ADGRB3: variants seen among roughly 807,000 people sequenced by gnomAD.
The protein encoded by ADGRB3 is adhesion G protein-coupled receptor B3.
A neutral mutation model predicts 193.4 loss-of-function variants in ADGRB3; 37 were observed. The ratio of observed to expected loss-of-function variants is 0.19; its 90% CI spans 0.15 to 0.25. The LOEUF is 0.25. Among genes scored for constraint, ADGRB3 ranks in the 10% least tolerant of loss-of-function variants. The pLI is 1.00. For synonymous variants in ADGRB3, 690 were observed against 644.2 expected, an observed-to-expected ratio of 1.07 and a Z score of -1.08; for missense variants, 1,637 against 1,852.9, an observed-to-expected ratio of 0.88 and a Z score of 2.14.
chr6:69,059,336 C>T (rs1174656953), intron 15 of ADGRB3, among the ~76,000 whole-genome samples: 1 of 152,022 alleles, frequency 6.6e-6, no homozygotes, highest in African/African-American at 2.4e-5. Flanking sequence ...TACTTTCAGT[C>T]TATGGATGCC....
intron 3 of ADGRB3, among the ~76,000 whole-genome samples, chr6:68,714,736 TTGATTTTTATC>T (rs1033452674): frequency 4.1e-4 from 63 of 151,876 alleles, no homozygotes; most frequent in Non-Finnish European, 3.1e-4. Flanking sequence ...TAAAAGGCAT[TTGATTTTTATC>T]TTAAAATATC....
intron 13 of ADGRB3, among the ~76,000 whole-genome samples, chr6:69,041,199 T>A (rs942983711): frequency 1.3e-5 from 2 of 152,122 alleles, no homozygotes; most frequent in African/African-American, 2.4e-5. Context: ...GGGAAAGAGA[T>A]AATAATAGAT....
At chr6:68,746,807 GAGAT>G (rs1206395737) in intron 3 of ADGRB3, among the ~76,000 whole-genome samples, 1 of 151,880 alleles carries the variant, frequency 6.6e-6, no homozygotes, top group Non-Finnish European at 1.5e-5. Context: ...ATATTGTTTG[GAGAT>G]AATTTGATTT....
intron 29 of ADGRB3, among the ~76,000 whole-genome samples, chr6:69,362,160 G>A (rs1308606717): frequency 2.0e-5 from 3 of 151,790 alleles, no homozygotes; most frequent in African/African-American, 7.3e-5. Flanking sequence ...AGGATTCTGA[G>A]GTCCAACCAC....
At chr6:68,738,282 C>T (rs1307784919) in intron 3 of ADGRB3, among the ~76,000 whole-genome samples, 1 of 152,064 alleles carries the variant, frequency 6.6e-6, no homozygotes, top group East Asian at 1.9e-4. Context: ...AGAGAGAGAG[C>T]ACTTGTATTA....
chr6:69,266,398 G>A (rs1198808590), intron 20 of ADGRB3, among the ~76,000 whole-genome samples: 1 of 151,908 alleles, frequency 6.6e-6, no homozygotes, highest in Middle Eastern at 3.2e-3. Context: ...CAAGTCTCTT[G>A]AAGCTTCAGT....
At chr6:68,914,790 A>G (rs190130871) in intron 3 of ADGRB3, among the ~76,000 whole-genome samples, 1 of 152,344 alleles carries the variant, frequency 6.6e-6, no homozygotes, top group Admixed American at 6.5e-5. Flanking sequence ...TACCTTACTC[A>G]TCATTAAAGT....
intron 20 of ADGRB3, among the ~76,000 whole-genome samples, chr6:69,239,955 T>C (rs1766349944): frequency 6.6e-6 from 1 of 152,076 alleles, no homozygotes; most frequent in African/African-American, 2.4e-5. Context: ...ACCACTTTGA[T>C]AACTTATTTG....
At chr6:68,925,251 A>G (rs895627310) in intron 3 of ADGRB3, among the ~76,000 whole-genome samples, 2 of 152,006 alleles carry the variant, frequency 1.3e-5, no homozygotes, top group African/African-American at 4.8e-5. Flanking sequence ...TTAGAAAGAT[A>G]CCAAAATCCT....
chr6:69,082,822 A>G (rs973231582), intron 17 of ADGRB3, among the ~76,000 whole-genome samples: 3 of 152,084 alleles, frequency 2.0e-5, no homozygotes, highest in Non-Finnish European at 4.4e-5. Flanking sequence ...TTAGTGTGCT[A>G]GGTTATGTCA....
At chr6:68,773,493 CA>C (rs749383770) in intron 3 of ADGRB3, among the ~76,000 whole-genome samples, 1 of 152,276 alleles carries the variant, frequency 6.6e-6, no homozygotes. Flanking sequence ...TGTGTTCATT[CA>C]TGCATTCATT....
intron 11 of ADGRB3, among the ~76,000 whole-genome samples, chr6:69,005,808 C>T (rs1479896721): frequency 6.6e-6 from 1 of 152,152 alleles, no homozygotes; most frequent in East Asian, 1.9e-4. Flanking sequence ...AGATGTCGCC[C>T]TATCTTTTGT....
intron 3 of ADGRB3, among the ~76,000 whole-genome samples, chr6:68,778,684 A>G (rs954264350): frequency 2.0e-5 from 3 of 152,082 alleles, no homozygotes; most frequent in African/African-American, 7.2e-5. Flanking sequence ...TTTCTCACTG[A>G]GCCAACCTGC....
intron 17 of ADGRB3, among the ~76,000 whole-genome samples, chr6:69,223,958 T>A (rs1384096090): frequency 6.6e-6 from 1 of 151,958 alleles, no homozygotes; most frequent in Non-Finnish European, 1.5e-5. Flanking sequence ...CACTTGGCCT[T>A]TTTCTTTTGA....
chr6:69,197,044 C>T (rs568492820), intron 17 of ADGRB3, among the ~76,000 whole-genome samples: 29 of 152,154 alleles, frequency 1.9e-4, no homozygotes, highest in Non-Finnish European at 3.7e-4. Flanking sequence ...TTACCCTTTG[C>T]CAACTATATC....
chr6:69,205,764 C>T (rs1765524106), intron 17 of ADGRB3, among the ~76,000 whole-genome samples: 1 of 151,734 alleles, frequency 6.6e-6, no homozygotes, highest in Non-Finnish European at 1.5e-5. Context: ...AGGGCAGAAC[C>T]CTCATGACTG....
At chr6:68,772,894 A>AATATATATATAT (rs1208790675) in intron 3 of ADGRB3, among the ~76,000 whole-genome samples, 10 of 22,860 alleles carry the variant, frequency 4.4e-4, no homozygotes, top group African/African-American at 1.4e-3. Flanking sequence ...AAAAAAAAAA[A>AATATATATATAT]ATATATATAT....
intron 17 of ADGRB3, among the ~76,000 whole-genome samples, chr6:69,222,333 T>C (rs1582556713): frequency 6.6e-6 from 1 of 152,176 alleles, no homozygotes; most frequent in Non-Finnish European, 1.5e-5. Flanking sequence ...AAATAAATAA[T>C]TGTCCGGGAT....
intron 20 of ADGRB3, among the ~76,000 whole-genome samples, chr6:69,242,264 CTAAAG>C (rs554974337): frequency 2.6e-3 from 389 of 151,952 alleles, no homozygotes; most frequent in African/African-American, 8.5e-3. Flanking sequence ...TGTTCAATAA[CTAAAG>C]TATTTTATTT....
Sources: allele counts gnomAD v4.1 joint callset (sites outside exome capture counted in the v4.1 genomes callset), GRCh38; gene constraint gnomAD v4.1.1; transcripts MANE v1.5; gene names NCBI Gene and HGNC (gene_info 2026-07-23, HGNC 2026-07-21).